Variants in PTCH1 observed in about 807,000 individuals in gnomAD.
PTCH1 encodes patched 1, also known as protein patched homolog 1.
Under a neutral mutation model 144.6 loss-of-function variants are expected in PTCH1, and 14 were observed. That is an observed-to-expected ratio of 0.10 (90% confidence interval 0.06 to 0.15). The LOEUF (loss-of-function observed/expected upper bound fraction) is 0.15. PTCH1 is among the 10% of genes least tolerant of loss of function. The pLI is 1.00. For missense variants in PTCH1, 1,623 were observed against 1,948.3 expected, an observed-to-expected ratio of 0.83 and a Z score of 3.14; for synonymous variants, 833 against 793.6, an observed-to-expected ratio of 1.05 and a Z score of -0.83.
chr9:95,458,025 C>A lies in PTCH1; in HGVS notation c.3156G>T (p.Thr1052=). 2 of 1,614,110 alleles carry A rather than the reference C, an allele frequency of 1.2e-6. No homozygotes were observed. Among genetic ancestry groups the A allele is most frequent in the African/African-American group, 1.3e-5 (1 of 75,044 alleles). The change falls in exon 18 of 24, where the codon ACG becomes ACT. Residue 1052 remains threonine (T), a synonymous_variant. Transcript: ENST00000331920. This position sits in a 1 kb window ranked among gnomAD's most constrained non-coding sequence, Gnocchi z 4.7. ...VCAVFLLNPW[T]AGIIVMVLAL... ...ATAATACACTCACAATGATCCCGGC[C>A]GTCCAGGGGTTCAGAAGGAAGACAG...
chr9:95,465,624 T>C (rs1263424393), intron 15 of PTCH1, among the ~76,000 whole-genome samples: 1 of 152,224 alleles, frequency 6.6e-6, no homozygotes, highest in Non-Finnish European at 1.5e-5. Context: ...GGAACCATCC[T>C]CTACCAACCT....
At chr9:95,507,985 G>C in intron 1 of PTCH1, 176 bp downstream of exon 1, 16 of 1,505,336 alleles carry the variant, frequency 1.1e-5, no homozygotes, top group Non-Finnish European at 1.4e-5. Flanking sequence ...ACCAGAGGGA[G>C]GGTTTGAATT....
intron 14 of PTCH1, among the ~76,000 whole-genome samples, chr9:95,468,258 T>C (rs543034777): frequency 5.3e-5 from 8 of 152,304 alleles, no homozygotes; most frequent in African/African-American, 1.7e-4. Context: ...AGTTTCATCA[T>C]GTTGCCTGGG....
chr9:95,479,943 T>C lies in PTCH1; in HGVS notation c.1067+26A>G, dbSNP rs370607848. 24 of 1,614,048 alleles carry C rather than the reference T, an allele frequency of 1.5e-5. No homozygotes were observed. In the African/African-American group the frequency reaches 1.6e-4, roughly 11 times the overall value. On this transcript the variant is annotated intron_variant, in intron 7 of 23. Transcript: ENST00000331920. ...AGGAAAGGAAGAAGACTACAGGGCA[T>C]AGATTGTCCTCGGGAGCTGGCTTAC...
At chr9:95,502,816 C>T (rs1819770831) in intron 2 of PTCH1, among the ~76,000 whole-genome samples, 1 of 152,194 alleles carries the variant, frequency 6.6e-6, no homozygotes, top group Non-Finnish European at 1.5e-5. Context: ...AAAGCCAACT[C>T]TTTATAAAGC....
At chr9:95,477,482 T>TG (rs1394261633) in intron 10 of PTCH1, 65 bp downstream of exon 10, 2 of 1,605,716 alleles carry the variant, frequency 1.2e-6, no homozygotes, top group Non-Finnish European at 1.7e-6. Flanking sequence ...GGAGGCTGGC[T>TG]GGGCCAAGCC....
chr9:95,478,918 G>A (rs1338329105), intron 8 of PTCH1, 82 bp downstream of exon 8: 2 of 1,595,504 alleles, frequency 1.3e-6, no homozygotes, highest in African/African-American at 2.7e-5. Flanking sequence ...TAAAGCGAAT[G>A]GAAAGAAATG....
chr9:95,507,972 A>G, intron 1 of PTCH1, 189 bp downstream of exon 1: 1 of 1,486,582 alleles, frequency 6.7e-7, no homozygotes, highest in Non-Finnish European at 8.9e-7. Flanking sequence ...CTTTCCTCCC[A>G]GGACCAGAGG....
intron 2 of PTCH1, among the ~76,000 whole-genome samples, chr9:95,489,882 GCTCTGC>G (rs1048055075): frequency 6.6e-6 from 1 of 150,540 alleles, no homozygotes; most frequent in African/African-American, 2.4e-5. Context: ...CTCACTGCAA[GCTCTGC>G]CTCCAGGGTT....
intron 1 of PTCH1, chr9:95,506,854 C>T (rs1843698939): frequency 8.5e-6 from 10 of 1,179,470 alleles, no homozygotes; most frequent in Non-Finnish European, 1.0e-5. Flanking sequence ...GATCCCTGAG[C>T]GACTTGGGGC....
chr9:95,504,221 AAAGT>A (rs1167491858), intron 2 of PTCH1, among the ~76,000 whole-genome samples: 1 of 152,106 alleles, frequency 6.6e-6, no homozygotes, highest in Non-Finnish European at 1.5e-5. Context: ...AAAAGTAAGC[AAAGT>A]GAGTGTGCCC....
chr9:95,490,938 G>C (rs1225634593), intron 2 of PTCH1, among the ~76,000 whole-genome samples: 6 of 152,104 alleles, frequency 3.9e-5, no homozygotes, highest in African/African-American at 1.4e-4. Flanking sequence ...ACCCTCATCT[G>C]ATCATTACAC....
chr9:95,482,265 C>A, intron 3 of PTCH1, 62 bp from the exon 4 acceptor site: 1 of 1,458,676 alleles, frequency 6.9e-7, no homozygotes, highest in South Asian at 1.2e-5. Context: ...AGTGCAAATT[C>A]GAAATGATAG....
In PTCH1 at chr9:95,446,379, G is replaced by C; in HGVS notation, c.*14C>G. The C allele has an allele frequency of 1.9e-6, 1 of 518,786 alleles. No homozygotes were observed. Among genetic ancestry groups the C allele is most frequent in the South Asian group, 1.4e-5 (1 of 71,378 alleles). The allele number at this position is 518,786 out of a possible 1,614,324, so 32.1% of individuals were successfully genotyped here. A position where few individuals can be genotyped will look rare whatever the true frequency, so the allele number is the denominator to read the frequency against. On this transcript the variant is annotated 3_prime_UTR_variant, in exon 24 of 24. Transcript: ENST00000331920. ...TCCAATCTTTGGCCTCTTTGCTTCA[G>C]ATTTTAATCACCCTTTAAAAGGAAG...
chr9:95,513,427 T>G (rs190639789), upstream of PTCH1, among the ~76,000 whole-genome samples: 15 of 152,322 alleles, frequency 9.8e-5, no homozygotes, highest in East Asian at 2.9e-3. Flanking sequence ...TCCTACAGTA[T>G]TTTTGTTGAG....
chr9:95,449,451 A>G lies in PTCH1; in HGVS notation c.3550-128T>C. On this transcript the variant is annotated intron_variant, in intron 21 of 23. Transcript: ENST00000331920. The surrounding 1 kb of genome is among the most constrained non-coding windows in gnomAD (Gnocchi z 5.3). ...CCTGGGGCCCTGCGCACTGTGCCGT[A>G]TTAACCTCCCCTTCTCTACCACCTG... 7.5e-6 allele frequency: 10 copies of G among 1,332,234 alleles called. No homozygotes were observed. The highest frequency in any genetic ancestry group is 1.0e-5 in the Non-Finnish European group (10 of 963,906). 82.5% of individuals were successfully genotyped at this position (1,332,234 alleles called of 1,614,324 possible). A position where few individuals can be genotyped will look rare whatever the true frequency, so the allele number is the denominator to read the frequency against.
chr9:95,488,122 T>G (rs965795590), intron 2 of PTCH1, among the ~76,000 whole-genome samples: 1 of 152,236 alleles, frequency 6.6e-6, no homozygotes, highest in Non-Finnish European at 1.5e-5. Flanking sequence ...AGCAGTTATT[T>G]TATCACAGGG....
At chr9:95,506,962 C>T in intron 1 of PTCH1, 1 of 1,014,112 alleles carries the variant, frequency 9.9e-7, no homozygotes, top group East Asian at 9.2e-5. Context: ...GGAGGGGCTG[C>T]GTAATCCCAG....
intron 12 of PTCH1, among the ~76,000 whole-genome samples, chr9:95,471,104 A>G (rs1041103396): frequency 4.6e-5 from 7 of 151,998 alleles, no homozygotes; most frequent in African/African-American, 1.7e-4. Context: ...AGAAAGAAAG[A>G]AAGAAAGAAA....
Sources: allele counts gnomAD v4.1 joint callset (sites outside exome capture counted in the v4.1 genomes callset), GRCh38; gene constraint gnomAD v4.1.1; non-coding constraint Gnocchi (gnomAD v3.1); transcripts MANE v1.5; gene names NCBI Gene and HGNC (gene_info 2026-07-23, HGNC 2026-07-21).